SLC20A2: variants seen among roughly 807,000 people sequenced by gnomAD.
The protein encoded by SLC20A2 is sodium-dependent phosphate transporter 2.
Under a neutral mutation model 61.0 loss-of-function variants are expected in SLC20A2, and 30 were observed. That is an observed-to-expected ratio of 0.49 (90% confidence interval 0.37 to 0.67). SLC20A2 has a LOEUF of 0.67. Ranked by LOEUF, SLC20A2 falls within the 30% of genes least tolerant of loss-of-function variation. The pLI, the probability that SLC20A2 is intolerant of heterozygous loss-of-function variation, is 0.00. For missense variants in SLC20A2, 626 were observed against 866.4 expected, an observed-to-expected ratio of 0.72 and a Z score of 3.48; for synonymous variants, 351 against 353.3, an observed-to-expected ratio of 0.99 and a Z score of 0.07.
intron 8 of SLC20A2, among the ~76,000 whole-genome samples, chr8:42,436,523 G>A (rs1447024399): frequency 6.6e-6 from 1 of 152,162 alleles, no homozygotes; most frequent in Non-Finnish European, 1.5e-5. Context: ...AATGTGCCCT[G>A]TGTGGCCCCT....
intron 1 of SLC20A2, among the ~76,000 whole-genome samples, chr8:42,535,939 A>G (rs987177804): frequency 1.3e-5 from 2 of 152,118 alleles, no homozygotes; most frequent in Admixed American, 6.5e-5. Flanking sequence ...CCTAAAATTC[A>G]TAACATGGGA....
chr8:42,519,173 C>T (rs1185501188), intron 1 of SLC20A2, among the ~76,000 whole-genome samples: 3 of 152,108 alleles, frequency 2.0e-5, no homozygotes, highest in African/African-American at 4.8e-5. Context: ...TGACCAGGCA[C>T]GGTGGCTCAC....
At chr8:42,426,118 A>C (rs1803395802) in intron 10 of SLC20A2, among the ~76,000 whole-genome samples, 1 of 152,250 alleles carries the variant, frequency 6.6e-6, no homozygotes, top group African/African-American at 2.4e-5. Context: ...GGTCCTGTAC[A>C]AACTGGATGT....
intron 1 of SLC20A2, among the ~76,000 whole-genome samples, chr8:42,539,373 C>T (rs1586304670): frequency 6.6e-6 from 1 of 152,168 alleles, no homozygotes. Flanking sequence ...TCATTAAATT[C>T]TATCTTCAAA....
At chr8:42,445,253 C>T (rs1226855311) in intron 5 of SLC20A2, among the ~76,000 whole-genome samples, 1 of 151,914 alleles carries the variant, frequency 6.6e-6, no homozygotes, top group African/African-American at 2.4e-5. Context: ...GATTGCACCA[C>T]TGCACTCTAG....
intron 1 of SLC20A2, among the ~76,000 whole-genome samples, chr8:42,475,012 G>GATGAAGGTC (rs1276314897): frequency 6.6e-6 from 1 of 152,164 alleles, no homozygotes; most frequent in Non-Finnish European, 1.5e-5. Context: ...GGGGAACCAG[G>GATGAAGGTC]ATGAAGGTCG....
Position 42,536,864 on chromosome 8 carries a change from A to C in SLC20A2, c.-265+4957T>G, listed in dbSNP as rs1563558596. ...CAAGGTGGGTGGATCACCTGAGGTC[A>C]GGAGTTCGAGACCAGCCTGGCCAAC... is the stretch of plus-strand genomic sequence containing the variant. On this transcript the variant is annotated intron_variant, in intron 1 of 10. Coordinates refer to the SLC20A2 transcript ENST00000342228. 2.6e-5 allele frequency among the ~76,000 whole-genome samples: 4 copies of C among 152,152 alleles called. No homozygotes were observed. In the South Asian group the frequency reaches 8.3e-4, roughly 32 times the overall value.
chr8:42,422,265 C>A (rs1803098292), intron 10 of SLC20A2, among the ~76,000 whole-genome samples: 1 of 152,138 alleles, frequency 6.6e-6, no homozygotes, highest in East Asian at 1.9e-4. Flanking sequence ...GTTGGCCAGG[C>A]TGGTCTCGAA....
chr8:42,445,990 C>T (rs1239525363), intron 5 of SLC20A2, among the ~76,000 whole-genome samples: 1 of 152,046 alleles, frequency 6.6e-6, no homozygotes, highest in Non-Finnish European at 1.5e-5. Context: ...TTTATTTTTA[C>T]TTTTATTTTT....
intron 1 of SLC20A2, among the ~76,000 whole-genome samples, chr8:42,511,435 T>A (rs1466878495): frequency 2.6e-5 from 4 of 152,102 alleles, no homozygotes; most frequent in Admixed American, 6.5e-5. Flanking sequence ...AACACCAGCC[T>A]GGCCAACACA....
chr8:42,455,427 G>C (rs1260379980), intron 5 of SLC20A2, among the ~76,000 whole-genome samples: 1 of 151,802 alleles, frequency 6.6e-6, no homozygotes, highest in African/African-American at 2.4e-5. Context: ...TTGGGAGGCT[G>C]AGGCGGGCAG....
intron 1 of SLC20A2, among the ~76,000 whole-genome samples, chr8:42,516,766 G>A (rs1168172688): frequency 2.6e-5 from 4 of 152,038 alleles, no homozygotes; most frequent in African/African-American, 7.2e-5. Flanking sequence ...TGCCTCCCTC[G>A]TTTGCCAATG....
intron 1 of SLC20A2, among the ~76,000 whole-genome samples, chr8:42,517,242 C>T (rs1258848686): frequency 6.6e-6 from 1 of 151,872 alleles, no homozygotes; most frequent in Non-Finnish European, 1.5e-5. Context: ...GTGGCTCATG[C>T]CTGTAATCCC....
intron 4 of SLC20A2, among the ~76,000 whole-genome samples, chr8:42,462,397 C>A (rs563013803): frequency 6.6e-6 from 1 of 152,316 alleles, no homozygotes; most frequent in South Asian, 2.1e-4. Flanking sequence ...GCAGAGGAAG[C>A]ATGCACTCAA....
chr8:42,517,511 C>A (rs1176974142), intron 1 of SLC20A2, among the ~76,000 whole-genome samples: 1 of 151,998 alleles, frequency 6.6e-6, no homozygotes, highest in Admixed American at 6.6e-5. Context: ...TTAGCCATAT[C>A]TGCAGCAAGA....
chr8:42,484,590 CTG>C (rs1808799270), intron 1 of SLC20A2: 1 of 196,880 alleles, frequency 5.1e-6, no homozygotes, highest in East Asian at 1.3e-4. Flanking sequence ...TTCTTGCACT[CTG>C]TGCTTTCAAA....
chr8:42,493,354 G>C (rs2131321880), intron 1 of SLC20A2, among the ~76,000 whole-genome samples: 1 of 151,786 alleles, frequency 6.6e-6, no homozygotes, highest in African/African-American at 2.4e-5. Context: ...CACATGTAGT[G>C]AACGCTGGTG....
chr8:42,426,742 C>T (rs1013780669), intron 10 of SLC20A2, among the ~76,000 whole-genome samples: 2 of 152,096 alleles, frequency 1.3e-5, no homozygotes, highest in Middle Eastern at 3.2e-3. Flanking sequence ...GCTATTTCAA[C>T]TGGTGTAGAA....
chr8:42,459,284 T>C (rs1586099675), intron 5 of SLC20A2, among the ~76,000 whole-genome samples: 1 of 140,454 alleles, frequency 7.1e-6, no homozygotes, highest in Non-Finnish European at 1.6e-5. Flanking sequence ...ACAAAATCCA[T>C]GAGAATGACA....
Sources: gnomAD v4.1 joint callset for allele counts (sites outside exome capture counted in the v4.1 genomes callset) on GRCh38, gnomAD v4.1.1 for gene constraint, MANE v1.5 for transcripts, NCBI Gene and HGNC (gene_info 2026-07-23, HGNC 2026-07-21) for gene names.